PKNOX2: variants seen among roughly 807,000 people sequenced by gnomAD.
PKNOX2 encodes the protein PBX/knotted 1 homeobox 2, also known as homeobox protein PKNOX2.
In PKNOX2, 14 loss-of-function variants were observed where a neutral mutation model predicts 53.1. The observed-to-expected ratio is 0.26, with a 90% CI of 0.17 to 0.41. The LOEUF (loss-of-function observed/expected upper bound fraction) is 0.41, where lower values mean the gene tolerates loss of function less well. Ranked by LOEUF, PKNOX2 falls within the 10% of genes least tolerant of loss-of-function variation. The pLI, the probability that PKNOX2 is intolerant of heterozygous loss-of-function variation, is 1.00. For missense variants in PKNOX2, 496 were observed against 602.8 expected, an observed-to-expected ratio of 0.82 and a Z score of 1.85; for synonymous variants, 257 against 242.8, an observed-to-expected ratio of 1.06 and a Z score of -0.54.
intron 2 of PKNOX2, among the ~76,000 whole-genome samples, chr11:125,279,161 T>C (rs1389442879): frequency 6.6e-6 from 1 of 152,228 alleles, no homozygotes; most frequent in African/African-American, 2.4e-5. Flanking sequence ...TTTTCACATC[T>C]CCTCTGTGCT....
rs201127515 is a variant in PKNOX2 at position 125,430,138 on chromosome 11, G to A, written c.1189G>A (p.Asp397Asn). Residue 397 changes from aspartate to asparagine, a missense_variant, in exon 12 of 13, where the codon GAT (aspartate) becomes AAT (asparagine). Around this residue, in one of 5 missense-constraint regions of PKNOX2, gnomAD observed 139 missense variants for 161.3 expected, o/e 0.86. Transcript: ENST00000298282. ...GGGCGGTGCCCCAGGGACAAACCCC[G>A]ATGGTAAGAACTGGGGCTGAGTGCA... ...QQGGAPGTNP[D>N]GSINLDNLQS... The A allele has an allele frequency of 9.3e-6, 15 of 1,613,676 alleles. No homozygotes were observed. The highest frequency in any genetic ancestry group is 8.0e-5 in the African/African-American group (6 of 74,922).
chr11:125,201,331 C>A (rs1207124680), intron 1 of PKNOX2, among the ~76,000 whole-genome samples: 1 of 152,136 alleles, frequency 6.6e-6, no homozygotes, highest in Non-Finnish European at 1.5e-5. Context: ...CTCTTCAGAA[C>A]CTCTGTGACC....
chr11:125,313,932 A>G (rs559137042), intron 2 of PKNOX2, among the ~76,000 whole-genome samples: 47 of 152,316 alleles, frequency 3.1e-4, no homozygotes, highest in South Asian at 2.3e-3. Context: ...TACTTACCGC[A>G]CAGGATGGAG....
chr11:125,267,495 C>T (rs1049944265), intron 2 of PKNOX2, among the ~76,000 whole-genome samples: 2 of 152,232 alleles, frequency 1.3e-5, no homozygotes, highest in African/African-American at 2.4e-5. Flanking sequence ...GAAGAAGCTA[C>T]TGCTTAGAGG....
At chr11:125,224,926 A>T (rs1941560668) in intron 1 of PKNOX2, among the ~76,000 whole-genome samples, 1 of 152,170 alleles carries the variant, frequency 6.6e-6, no homozygotes. Context: ...TTTGGAGAGG[A>T]CTGTGGCAGG....
At chr11:125,426,273 A>T (rs1168792560) in intron 10 of PKNOX2, among the ~76,000 whole-genome samples, 2 of 152,200 alleles carry the variant, frequency 1.3e-5, no homozygotes, top group Non-Finnish European at 2.9e-5. Flanking sequence ...TGGCTTTGCC[A>T]TTCTTCAAAG....
At chr11:125,296,880 C>A (rs897051252) in intron 2 of PKNOX2, among the ~76,000 whole-genome samples, 1 of 152,138 alleles carries the variant, frequency 6.6e-6, no homozygotes, top group Non-Finnish European at 1.5e-5. Context: ...GTGATCCACC[C>A]ACCTCGGCCT....
At chr11:125,393,942 C>A (rs1954237548) in intron 6 of PKNOX2, among the ~76,000 whole-genome samples, 1 of 151,866 alleles carries the variant, frequency 6.6e-6, no homozygotes, top group Non-Finnish European at 1.5e-5. Flanking sequence ...GTGGGGCAAC[C>A]TGGCTTCATA....
chr11:125,167,088 G>T (rs571365155), intron 1 of PKNOX2, among the ~76,000 whole-genome samples: 1 of 151,626 alleles, frequency 6.6e-6, no homozygotes, highest in Non-Finnish European at 1.5e-5. Flanking sequence ...TCCCACTCGG[G>T]CTGCATCCCC....
At chr11:125,342,387 C>G (rs1950736294) in intron 3 of PKNOX2, among the ~76,000 whole-genome samples, 1 of 152,174 alleles carries the variant, frequency 6.6e-6, no homozygotes, top group Non-Finnish European at 1.5e-5. Context: ...TCCGGCCACC[C>G]TACTCACACC....
chr11:125,282,824 G>A (rs1185396366), intron 2 of PKNOX2, among the ~76,000 whole-genome samples: 1 of 152,220 alleles, frequency 6.6e-6, no homozygotes. Flanking sequence ...CACTTAAAAT[G>A]TGTACAGCTG....
intron 4 of PKNOX2, among the ~76,000 whole-genome samples, chr11:125,354,278 G>A (rs186988504): frequency 5.0e-4 from 76 of 152,276 alleles, no homozygotes; most frequent in African/African-American, 1.7e-3. Flanking sequence ...ATGGGAACAT[G>A]GGCCAGGCAC....
At chr11:125,247,486 T>C (rs1224193618) in intron 2 of PKNOX2, among the ~76,000 whole-genome samples, 1 of 152,194 alleles carries the variant, frequency 6.6e-6, no homozygotes, top group Admixed American at 6.5e-5. Flanking sequence ...TGGGGTCATC[T>C]CTTCTGCCTT....
intron 2 of PKNOX2, among the ~76,000 whole-genome samples, chr11:125,306,857 A>G (rs1455418300): frequency 6.6e-6 from 1 of 152,188 alleles, no homozygotes; most frequent in African/African-American, 2.4e-5. Context: ...GTTTCACACA[A>G]ATTGCATCTT....
intron 5 of PKNOX2, among the ~76,000 whole-genome samples, chr11:125,375,219 A>G (rs1207781261): frequency 6.6e-6 from 1 of 152,122 alleles, no homozygotes; most frequent in East Asian, 1.9e-4. Context: ...GAGAGGAGAG[A>G]TCTGTAAAAA....
chr11:125,374,934 ATGGGG>A (rs896158583), intron 5 of PKNOX2, among the ~76,000 whole-genome samples: 4 of 49,498 alleles, frequency 8.1e-5, no homozygotes, highest in African/African-American at 1.6e-4. Context: ...TGCAAATGAC[ATGGGG>A]TGGGGTGGGG....
intron 4 of PKNOX2, among the ~76,000 whole-genome samples, chr11:125,354,262 G>A (rs1282198926): frequency 6.6e-6 from 1 of 152,160 alleles, no homozygotes; most frequent in Non-Finnish European, 1.5e-5. Flanking sequence ...AGGGAAGCAG[G>A]ACCTGATGGG....
chr11:125,374,958 G>T (rs1952754918), intron 5 of PKNOX2, among the ~76,000 whole-genome samples: 1 of 144,368 alleles, frequency 6.9e-6, no homozygotes, highest in South Asian at 2.5e-4. Context: ...GGTGGGGTGG[G>T]AGGAGAACAG....
At chr11:125,340,258 A>G (rs902821774) in intron 3 of PKNOX2, among the ~76,000 whole-genome samples, 1 of 152,200 alleles carries the variant, frequency 6.6e-6, no homozygotes, top group Admixed American at 6.5e-5. Context: ...GTATAACATG[A>G]TGCTTGGAAA....
Sources: gnomAD v4.1 joint callset for allele counts (sites outside exome capture counted in the v4.1 genomes callset) on GRCh38, gnomAD v4.1.1 for gene constraint, gnomAD v4.1.1 regional missense constraint, MANE v1.5 for transcripts, NCBI Gene and HGNC (gene_info 2026-07-23, HGNC 2026-07-21) for gene names.